Variants in ZNF609 observed in about 807,000 individuals in gnomAD.
The protein encoded by ZNF609 is zinc finger protein 609.
Under a neutral mutation model 109.5 loss-of-function variants are expected in ZNF609, and 11 were observed. The ratio of observed to expected loss-of-function variants is 0.10; its 90% CI spans 0.06 to 0.17. The LOEUF is 0.17. Ranked by LOEUF, ZNF609 falls within the 10% of genes least tolerant of loss-of-function variation. The pLI is 1.00. For missense variants in ZNF609, 1,559 were observed against 1,772.4 expected, an observed-to-expected ratio of 0.88 and a Z score of 2.16; for synonymous variants, 646 against 662.0, an observed-to-expected ratio of 0.98 and a Z score of 0.37.
At chr15:64,475,889 ACTT>A (rs1893162908) in intron 1 of ZNF609, among the ~76,000 whole-genome samples, 1 of 152,138 alleles carries the variant, frequency 6.6e-6, no homozygotes, top group African/African-American at 2.4e-5. Flanking sequence ...ATTTTTTTAG[ACTT>A]CTTTTTATGC....
intron 1 of ZNF609, among the ~76,000 whole-genome samples, chr15:64,481,747 T>C (rs1041728936): frequency 6.6e-6 from 1 of 152,182 alleles, no homozygotes; most frequent in Non-Finnish European, 1.5e-5. Flanking sequence ...AATAAGCCTC[T>C]TTGTAGAAAT....
chr15:64,581,642 T>C (rs760521243), intron 2 of ZNF609, among the ~76,000 whole-genome samples: 7 of 152,120 alleles, frequency 4.6e-5, no homozygotes, highest in Non-Finnish European at 1.0e-4. Flanking sequence ...AACCCTGTTC[T>C]GCCCCATCTA....
chr15:64,659,263 C>G (rs944048259), intron 3 of ZNF609, among the ~76,000 whole-genome samples: 2 of 152,164 alleles, frequency 1.3e-5, no homozygotes, highest in Non-Finnish European at 2.9e-5. Flanking sequence ...ACACTGCATT[C>G]AAAACTCGCT....
At chr15:64,621,150 C>G (rs570173913) in intron 2 of ZNF609, among the ~76,000 whole-genome samples, 1 of 152,320 alleles carries the variant, frequency 6.6e-6, no homozygotes, top group African/African-American at 2.4e-5. Flanking sequence ...ATCTTTGACT[C>G]TCATTTTCTA....
At chr15:64,582,747 G>GTTTT (rs1895129761) in intron 2 of ZNF609, among the ~76,000 whole-genome samples, 2 of 25,692 alleles carry the variant, frequency 7.8e-5, no homozygotes, top group African/African-American at 2.0e-4. Flanking sequence ...TTGAGACAGA[G>GTTTT]TCTTTTTTTT....
upstream of ZNF609, among the ~76,000 whole-genome samples, chr15:64,459,919 G>A (rs777886265): frequency 6.6e-6 from 1 of 152,100 alleles, no homozygotes; most frequent in Non-Finnish European, 1.5e-5. Context: ...GGTTGGAGAA[G>A]GACAGAATAA....
intron 2 of ZNF609, among the ~76,000 whole-genome samples, chr15:64,558,292 C>T (rs1894623067): frequency 1.1e-5 from 1 of 88,502 alleles, no homozygotes; most frequent in Non-Finnish European, 3.2e-5. Flanking sequence ...CCACCTCCTA[C>T]CTGGGTTCCA....
At chr15:64,628,505 GC>G (rs1896010082) in intron 3 of ZNF609, among the ~76,000 whole-genome samples, 1 of 151,964 alleles carries the variant, frequency 6.6e-6, no homozygotes, top group African/African-American at 2.4e-5. Flanking sequence ...ACAAAAATTA[GC>G]CAGGTGTGGT....
At chr15:64,634,189 C>A (rs1334271928) in intron 3 of ZNF609, among the ~76,000 whole-genome samples, 1 of 152,032 alleles carries the variant, frequency 6.6e-6, no homozygotes, top group Non-Finnish European at 1.5e-5. Context: ...CCCATGGTGA[C>A]TTCTGTGTAC....
chr15:64,512,440 G>A (rs1265425460), intron 2 of ZNF609, among the ~76,000 whole-genome samples: 1 of 152,096 alleles, frequency 6.6e-6, no homozygotes, highest in Non-Finnish European at 1.5e-5. Flanking sequence ...TCATTGGTTT[G>A]TGAATGTATT....
intron 2 of ZNF609, among the ~76,000 whole-genome samples, chr15:64,524,239 C>T (rs912976654): frequency 6.6e-6 from 1 of 152,130 alleles, no homozygotes; most frequent in African/African-American, 2.4e-5. Flanking sequence ...ACTTCTGTCT[C>T]TCTAGAAATT....
intron 2 of ZNF609, among the ~76,000 whole-genome samples, chr15:64,546,740 C>G (rs1215474627): frequency 6.6e-6 from 1 of 151,310 alleles, no homozygotes; most frequent in Non-Finnish European, 1.5e-5. Flanking sequence ...TCTCAAAGTG[C>G]TGGGATTACA....
intron 3 of ZNF609, among the ~76,000 whole-genome samples, chr15:64,648,812 A>G (rs1489196214): frequency 1.3e-5 from 2 of 151,998 alleles, no homozygotes; most frequent in Non-Finnish European, 2.9e-5. Context: ...ATCTGGGACT[A>G]AGCATCCTTT....
At chr15:64,562,323 C>T (rs1474022236) in intron 2 of ZNF609, among the ~76,000 whole-genome samples, 2 of 152,184 alleles carry the variant, frequency 1.3e-5, no homozygotes, top group African/African-American at 2.4e-5. Context: ...TGCTAGGCAA[C>T]AATTTCTCTT....
intron 3 of ZNF609, among the ~76,000 whole-genome samples, chr15:64,632,107 C>G (rs1289939765): frequency 6.6e-6 from 1 of 152,128 alleles, no homozygotes; most frequent in Non-Finnish European, 1.5e-5. Flanking sequence ...GGCTCACATA[C>G]AGTGGCACGA....
At chr15:64,561,343 A>G (rs1319874075) in intron 2 of ZNF609, among the ~76,000 whole-genome samples, 1 of 152,084 alleles carries the variant, frequency 6.6e-6, no homozygotes, top group Non-Finnish European at 1.5e-5. Context: ...TTGGCTCTCT[A>G]CTGATTACTT....
At chr15:64,554,202 C>A (rs1894536944) in intron 2 of ZNF609, among the ~76,000 whole-genome samples, 1 of 152,150 alleles carries the variant, frequency 6.6e-6, no homozygotes, top group Admixed American at 6.6e-5. Flanking sequence ...ATGACGTTAG[C>A]TGTAGTTTTT....
At chr15:64,504,752 A>G (rs980923852) in intron 2 of ZNF609, among the ~76,000 whole-genome samples, 2 of 151,688 alleles carry the variant, frequency 1.3e-5, no homozygotes, top group African/African-American at 4.8e-5. Flanking sequence ...GAGTGCTGAG[A>G]TTACAGGCAT....
intron 1 of ZNF609, among the ~76,000 whole-genome samples, chr15:64,466,342 C>T (rs1292984826): frequency 6.6e-6 from 1 of 152,034 alleles, no homozygotes; most frequent in East Asian, 1.9e-4. Context: ...TTTTTAGTGC[C>T]TTCCATTCAT....
Sources: allele counts gnomAD v4.1 joint callset (sites outside exome capture counted in the v4.1 genomes callset), GRCh38; gene constraint gnomAD v4.1.1; transcripts MANE v1.5; gene names NCBI Gene and HGNC (gene_info 2026-07-23, HGNC 2026-07-21).